The following KLHL25 variants were observed in gnomAD, a reference collection of about 807,000 sequenced individuals.
KLHL25 encodes kelch-like protein 25.
KLHL25 carries 41 observed loss-of-function variants against 30.0 expected under a neutral mutation model. That is an observed-to-expected ratio of 1.37 (90% CI 1.07 to 1.78). KLHL25 has a LOEUF of 1.78. KLHL25 is among the 40% of genes most tolerant of loss of function. The probability of loss-of-function intolerance (pLI) is 0.00; values close to 1 mark genes in which losing one functional copy is unlikely to be tolerated. For synonymous variants in KLHL25, 399 were observed against 355.3 expected (o/e 1.12, Z -1.38); for missense variants, 971 against 824.5 (o/e 1.18, Z -2.18).
At chr15:85,792,537 G>A (rs1375569481) in intron 1 of KLHL25, among the ~76,000 whole-genome samples, 2 of 152,082 alleles carry the variant, frequency 1.3e-5, no homozygotes, top group Non-Finnish European at 2.9e-5. Context: ...GTTCTCCCAG[G>A]ACCCCCAGAG....
At chr15:85,772,011 C>T (rs957801560) in intron 1 of KLHL25, among the ~76,000 whole-genome samples, 2 of 152,156 alleles carry the variant, frequency 1.3e-5, no homozygotes, top group South Asian at 2.1e-4. Flanking sequence ...CCAGACCCTG[C>T]GACATTTCCC....
chr15:85,772,631 G>C (rs1477629614), intron 1 of KLHL25, among the ~76,000 whole-genome samples: 1 of 152,222 alleles, frequency 6.6e-6, no homozygotes, highest in Non-Finnish European at 1.5e-5. Flanking sequence ...CCCAGGCAGA[G>C]ACTCCCTTTG....
At position 85,769,431 on chromosome 15, in the gene KLHL25, A is replaced by G. The variant is rs2089653118; in HGVS notation, c.380T>C (p.Leu127Pro). The change falls in exon 2 of 3, where the codon CTG (leucine) becomes CCG (proline). Residue 127 changes from leucine to proline, a missense_variant. Coordinates refer to ENST00000337975, the MANE Select transcript of KLHL25 (RefSeq NM_022480.4). ...AESLLEAGDM[L>P]QFHDVRDAAA... ...AGCATCCCGCACATCGTGGAACTGC[A>G]GCATGTCGCCTGCCTCCAGCAGTGA... The G allele has an allele frequency of 6.2e-7, 1 of 1,614,028 alleles. No individual in the cohort carries two copies. The highest frequency in any genetic ancestry group is 8.5e-7 in the Non-Finnish European group (1 of 1,180,034).
At chr15:85,784,362 T>C (rs1299067477) in intron 1 of KLHL25, among the ~76,000 whole-genome samples, 1 of 151,948 alleles carries the variant, frequency 6.6e-6, no homozygotes, top group East Asian at 1.9e-4. Context: ...AACCCCGGTA[T>C]CTACTAAAAA....
At chr15:85,767,837 C>T (rs529253433) in intron 2 of KLHL25, among the ~76,000 whole-genome samples, 180 bp downstream of exon 2, 5 of 152,332 alleles carry the variant, frequency 3.3e-5, no homozygotes, top group Non-Finnish European at 7.3e-5. Flanking sequence ...ATAATTTGCT[C>T]CAGGTTAACT....
At chr15:85,775,616 G>A (rs971494222) in intron 1 of KLHL25, among the ~76,000 whole-genome samples, 2 of 152,056 alleles carry the variant, frequency 1.3e-5, no homozygotes, top group Non-Finnish European at 2.9e-5. Flanking sequence ...TTGGAACTTG[G>A]GCCTGACTGC....
chr15:85,774,868 TTTTTTTCTTTTC>T (rs2089699395), intron 1 of KLHL25, among the ~76,000 whole-genome samples: 1 of 140,632 alleles, frequency 7.1e-6, no homozygotes, highest in Non-Finnish European at 1.5e-5. Context: ...AGTGCGATTC[TTTTTTTCTTTTC>T]TTTTTTTTTT....
chr15:85,784,458 G>A (rs2089765845), intron 1 of KLHL25, among the ~76,000 whole-genome samples: 1 of 152,086 alleles, frequency 6.6e-6, no homozygotes, highest in Non-Finnish European at 1.5e-5. Context: ...TTGAACCTGG[G>A]AGGCAGAGGT....
intron 1 of KLHL25, among the ~76,000 whole-genome samples, chr15:85,782,505 G>A (rs897622220): frequency 7.1e-6 from 1 of 141,406 alleles, no homozygotes; most frequent in Admixed American, 7.5e-5. Context: ...TCCCTCTCTC[G>A]GCTTTAGCTC....
intron 1 of KLHL25, among the ~76,000 whole-genome samples, chr15:85,780,473 C>T (rs2089736184): frequency 6.6e-6 from 1 of 152,210 alleles, no homozygotes; most frequent in African/African-American, 2.4e-5. Flanking sequence ...GGGAGGCTGT[C>T]TCTCTTCCTG....
Position 85,760,594 on chromosome 15 carries a change from G to C in KLHL25, c.*442C>G, listed in dbSNP as rs1365718055. On this transcript the variant is annotated 3_prime_UTR_variant, in exon 3 of 3. Transcript: ENST00000337975. ...AGGACACCATCTATAGATGGCAGTA[G>C]AGCCCCAGCAGGGCAGGCCAGGAGG... The C allele has an allele frequency of 6.6e-6, 1 of 152,248 alleles. No homozygotes were observed. The highest frequency in any genetic ancestry group is 1.5e-5 in the Non-Finnish European group (1 of 68,066). 9.4% of individuals were successfully genotyped at this position (152,248 alleles called of 1,614,324 possible).
chr15:85,777,517 G>A (rs1010530074), intron 1 of KLHL25, among the ~76,000 whole-genome samples: 28 of 152,256 alleles, frequency 1.8e-4, no homozygotes, highest in African/African-American at 6.5e-4. Flanking sequence ...GACAGACCCA[G>A]AGGGCCGGCC....
intron 1 of KLHL25, among the ~76,000 whole-genome samples, chr15:85,786,061 T>C (rs921934941): frequency 7.0e-6 from 1 of 143,764 alleles, no homozygotes; most frequent in Non-Finnish European, 1.5e-5. Context: ...AATCAGGAGG[T>C]GTCTAATAAA....
chr15:85,787,657 T>A (rs560263593), intron 1 of KLHL25, among the ~76,000 whole-genome samples: 1 of 152,296 alleles, frequency 6.6e-6, no homozygotes, highest in South Asian at 2.1e-4. Context: ...AGTCTCTCCT[T>A]AGGACACAAT....
chr15:85,788,891 G>T (rs1044144409), intron 1 of KLHL25, among the ~76,000 whole-genome samples: 1 of 152,186 alleles, frequency 6.6e-6, no homozygotes, highest in African/African-American at 2.4e-5. Context: ...TGCAGAACAT[G>T]AACTCCGGAC....
In KLHL25 at chr15:85,787,782, A is replaced by G. The variant is rs76823261; in HGVS notation, c.-11+6984T>C. Among the ~76,000 whole-genome samples, 859 of 152,350 alleles carry G rather than the reference A, an allele frequency of 5.6e-3. 11 individuals carry two copies. The highest frequency in any genetic ancestry group is 0.02 in the African/African-American group (819 of 41,574). ...GTATTGAGTATGATTCAAATTATGT[A>G]AACACAAAATCTGCACATACAACGG... On this transcript the variant is annotated intron_variant, in intron 1 of 2. Coordinates refer to ENST00000337975, the MANE Select transcript of KLHL25 (RefSeq NM_022480.4).
At chr15:85,778,293 T>TAC (rs2089722899) in intron 1 of KLHL25, among the ~76,000 whole-genome samples, 1 of 152,192 alleles carries the variant, frequency 6.6e-6, no homozygotes, top group South Asian at 2.1e-4. Context: ...CAAATCCAGC[T>TAC]ACACGCCTTC....
chr15:85,783,521 CT>C (rs1431929323), intron 1 of KLHL25, among the ~76,000 whole-genome samples: 1 of 151,762 alleles, frequency 6.6e-6, no homozygotes, highest in East Asian at 2.0e-4. Context: ...GTGAAACCCC[CT>C]CTCTACTAAA....
Position 85,773,808 on chromosome 15 carries a change from C to T in KLHL25, c.-10-3988G>A, listed in dbSNP as rs79319900. Among the ~76,000 whole-genome samples the T allele has an allele frequency of 8.6e-3, 1,308 of 152,212 alleles. 18 individuals are homozygous for T. The highest frequency in any genetic ancestry group is 0.027 in the African/African-American group (1,119 of 41,516). ...GCCACCTACCCAAGATGGAAGCCTG[C>T]GCAGAGGGCCAAGTGGAGCCCTGTG... On this transcript the variant is annotated intron_variant, in intron 1 of 2. Coordinates refer to ENST00000337975, the MANE Select transcript of KLHL25 (RefSeq NM_022480.4).
Sources: allele counts gnomAD v4.1 joint callset (sites outside exome capture counted in the v4.1 genomes callset), GRCh38; gene constraint gnomAD v4.1.1; transcripts MANE v1.5; gene names NCBI Gene and HGNC (gene_info 2026-07-23, HGNC 2026-07-21).